The following XPNPEP1 variants were observed in gnomAD, a reference collection of about 807,000 sequenced individuals.
The protein encoded by XPNPEP1 is xaa-Pro aminopeptidase 1.
XPNPEP1 carries 39 observed loss-of-function variants against 92.4 expected under a neutral mutation model. The ratio of observed to expected loss-of-function variants is 0.42; its 90% CI spans 0.33 to 0.55. The LOEUF is 0.55. XPNPEP1 is among the 20% of genes least tolerant of loss of function. The pLI is 0.08. For synonymous variants in XPNPEP1, 307 were observed against 299.4 expected (o/e 1.03, Z -0.26); for missense variants, 654 against 856.1 (o/e 0.76, Z 2.95).
chr10:109,892,733 T>C (rs537786487), intron 4 of XPNPEP1: 1 of 391,632 alleles, frequency 2.6e-6, no homozygotes, highest in African/African-American at 2.0e-5. Flanking sequence ...AGAACTTTTA[T>C]ATGTATGTTA....
intron 1 of XPNPEP1, among the ~76,000 whole-genome samples, chr10:109,918,873 AAGGAAGGAAGG>A (rs1850357305): frequency 1.4e-5 from 1 of 70,890 alleles, no homozygotes; most frequent in East Asian, 3.7e-4. Flanking sequence ...GGAAGGAAGG[AAGGAAGGAAGG>A]AAGGAAGGAA....
intron 1 of XPNPEP1, among the ~76,000 whole-genome samples, chr10:109,919,131 A>C (rs1173446675): frequency 1.3e-5 from 2 of 152,238 alleles, no homozygotes; most frequent in Non-Finnish European, 2.9e-5. Context: ...AAAAGAAAAA[A>C]GAGATACACT....
intron 14 of XPNPEP1, 52 bp downstream of exon 14, chr10:109,877,738 C>T (rs369454160): frequency 3.1e-6 from 5 of 1,606,188 alleles, no homozygotes; most frequent in African/African-American, 2.7e-5. Context: ...CCTGCTCAGG[C>T]TCCTGTGCAG....
chr10:109,919,802 G>C (rs1564800277), intron 1 of XPNPEP1, among the ~76,000 whole-genome samples: 1 of 152,322 alleles, frequency 6.6e-6, no homozygotes, highest in East Asian at 1.9e-4. Context: ...GGGAGGCTGA[G>C]ACGGGCAGAT....
At chr10:109,918,057 T>C (rs1435510853) in intron 1 of XPNPEP1, among the ~76,000 whole-genome samples, 1 of 151,034 alleles carries the variant, frequency 6.6e-6, no homozygotes, top group Non-Finnish European at 1.5e-5. Context: ...AAGGCTGCAG[T>C]GAGCCATGAT....
At position 109,888,598 on chromosome 10, in the gene XPNPEP1, A is replaced by T. The variant is rs752418924; in HGVS notation, c.416-3T>A. ...CTGAGTTGGTGTGTCCTTCAGACCT[A>T]CAGGGGGAAGAAATGATAAGAAACA... On this transcript the variant is annotated splice_region_variant and splice_polypyrimidine_tract_variant and intron_variant, in intron 5 of 20. Coordinates refer to ENST00000502935, the MANE Select transcript of XPNPEP1 (RefSeq NM_020383.4). 2 of 1,595,424 alleles carry T rather than the reference A, an allele frequency of 1.3e-6. No homozygotes were observed. The highest frequency in any genetic ancestry group is 2.3e-5 in the South Asian group (2 of 88,274).
At chr10:109,887,972 G>A in intron 7 of XPNPEP1, 77 bp downstream of exon 7, 2 of 1,564,504 alleles carry the variant, frequency 1.3e-6, no homozygotes, top group South Asian at 2.4e-5. Flanking sequence ...TGGATTCGGA[G>A]GACGAGGCTG....
At chr10:109,909,160 A>T (rs1415620784) in intron 2 of XPNPEP1, among the ~76,000 whole-genome samples, 1 of 152,124 alleles carries the variant, frequency 6.6e-6, no homozygotes, top group Non-Finnish European at 1.5e-5. Context: ...AGTCCCAGCT[A>T]CTCAGGAGGC....
chr10:109,879,434 G>C lies in XPNPEP1; in HGVS notation c.1182+754C>G, dbSNP rs1234856405. 2.0e-5 allele frequency among the ~76,000 whole-genome samples: 3 copies of C among 151,888 alleles called. No individual in the cohort carries two copies. In the East Asian group the frequency reaches 5.8e-4, roughly 29 times the overall value. On this transcript the variant is annotated intron_variant, in intron 12 of 20. Transcript: ENST00000502935. ...CAACTACGAAAATTAGCCAGGCGCA[G>C]TGGCAGGCGCCTATAATCCCAGCTA... is the stretch of plus-strand genomic sequence containing the variant.
Position 109,877,772 on chromosome 10 carries a change from C to A in XPNPEP1, c.1319+18G>T. The A allele has an allele frequency of 6.2e-7, 1 of 1,614,202 alleles. No homozygotes were observed. The stretch of plus-strand genomic sequence containing the variant: ...AGAAGCAGCAAGGCCAGGCAGCATG[C>A]TCCTCCGCATGCCTTACGCGTAGTG... On this transcript the variant is annotated intron_variant, in intron 14 of 20. Transcript: ENST00000502935.
At chr10:109,902,125 G>A (rs1398585617) in intron 3 of XPNPEP1, among the ~76,000 whole-genome samples, 1 of 152,124 alleles carries the variant, frequency 6.6e-6, no homozygotes, top group Non-Finnish European at 1.5e-5. Flanking sequence ...TCTCATTTAT[G>A]ACTGTGGCTT....
chr10:109,923,145 G>C (rs1850647994), intron 1 of XPNPEP1: 2 of 983,632 alleles, frequency 2.0e-6, no homozygotes, highest in South Asian at 4.7e-5. Context: ...GCAGTTCCGC[G>C]GGCATACGCG....
chr10:109,871,864 G>A lies in XPNPEP1; in HGVS notation c.1453-3C>T, dbSNP rs775066798. On this transcript the variant is annotated splice_polypyrimidine_tract_variant and splice_region_variant and intron_variant, in intron 16 of 20. Transcript: ENST00000502935. ...TTGAGGACATATGTGAAGCATTCCT[G>A]CAAAGAAAACCCAGGGGCATGTTGC... The A allele has an allele frequency of 3.1e-6, 5 of 1,613,360 alleles. No individual in the cohort carries two copies. Among genetic ancestry groups the A allele is most frequent in the African/African-American group, 1.3e-5 (1 of 74,876 alleles).
chr10:109,886,149 GC>G, intron 8 of XPNPEP1, 96 bp downstream of exon 8: 1 of 1,211,170 alleles, frequency 8.3e-7, no homozygotes. Flanking sequence ...TTATTCCCTG[GC>G]CACTCAGAAA....
chr10:109,873,568 T>G, intron 15 of XPNPEP1, 141 bp from the exon 16 acceptor site: 1 of 912,456 alleles, frequency 1.1e-6, no homozygotes, highest in Non-Finnish European at 1.7e-6. Flanking sequence ...TTGCAAATAG[T>G]TCGCAGTTCC....
chr10:109,879,523 T>C (rs940476137), intron 12 of XPNPEP1, among the ~76,000 whole-genome samples: 1 of 151,492 alleles, frequency 6.6e-6, no homozygotes, highest in African/African-American at 2.4e-5. Flanking sequence ...TGAGCCGAGA[T>C]CACACCACTG....
At chr10:109,907,540 G>C in intron 3 of XPNPEP1, 151 bp downstream of exon 3, 1 of 1,225,030 alleles carries the variant, frequency 8.2e-7, no homozygotes, top group Non-Finnish European at 1.1e-6. Flanking sequence ...CAAGCATTCA[G>C]TGAGACCTAT....
chr10:109,889,587 C>A (rs1334424371), intron 5 of XPNPEP1, among the ~76,000 whole-genome samples: 1 of 152,230 alleles, frequency 6.6e-6, no homozygotes, highest in East Asian at 1.9e-4. Flanking sequence ...CAGAATAGAA[C>A]TAAAATTACT....
intron 14 of XPNPEP1, 30 bp from the exon 15 acceptor site, chr10:109,875,629 C>T: frequency 6.3e-7 from 1 of 1,598,200 alleles, no homozygotes; most frequent in Non-Finnish European, 8.6e-7. Context: ...ATTAATTATT[C>T]CACAAATGTA....
Sources: allele counts gnomAD v4.1 joint callset (sites outside exome capture counted in the v4.1 genomes callset), GRCh38; gene constraint gnomAD v4.1.1; transcripts MANE v1.5; gene names NCBI Gene and HGNC (gene_info 2026-07-23, HGNC 2026-07-21).